LAPTM4B: variants seen among roughly 807,000 people sequenced by gnomAD.
The protein encoded by LAPTM4B is lysosomal protein transmembrane 4 beta, also known as lysosomal-associated transmembrane protein 4B.
In LAPTM4B, 26 loss-of-function variants were observed where a neutral mutation model predicts 28.5. The observed-to-expected ratio is 0.91, with a 90% CI of 0.67 to 1.27. LAPTM4B has a LOEUF of 1.27. Ranked by LOEUF, LAPTM4B falls within the 50% of genes most tolerant of loss-of-function variation. LAPTM4B has a pLI of 0.00. For synonymous variants in LAPTM4B, 109 were observed against 106.4 expected (o/e 1.02, Z -0.15); for missense variants, 288 against 285.8 (o/e 1.01, Z -0.06).
chr8:97,820,867 T>C (rs1231755850), intron 5 of LAPTM4B, among the ~76,000 whole-genome samples: 1 of 151,892 alleles, frequency 6.6e-6, no homozygotes, highest in African/African-American at 2.4e-5. Flanking sequence ...TAGCTGGGAC[T>C]ACAGGCGCCT....
At chr8:97,821,030 G>A (rs978118754) in intron 5 of LAPTM4B, among the ~76,000 whole-genome samples, 1 of 149,222 alleles carries the variant, frequency 6.7e-6, no homozygotes, top group African/African-American at 2.4e-5. Flanking sequence ...CCTGGCTGGG[G>A]ACACCGTCTC....
At chr8:97,790,901 G>A (rs572941763) in intron 1 of LAPTM4B, among the ~76,000 whole-genome samples, 85 of 152,160 alleles carry the variant, frequency 5.6e-4, no homozygotes, top group Non-Finnish European at 1.0e-3. Context: ...CACTGAGCCC[G>A]TCCTAGCTTT....
intron 4 of LAPTM4B, among the ~76,000 whole-genome samples, chr8:97,817,984 T>A (rs575974208): frequency 6.6e-6 from 1 of 152,206 alleles, no homozygotes; most frequent in South Asian, 2.1e-4. Context: ...CGGCTAAATT[T>A]GTATTTTTAG....
At chr8:97,851,210 T>G (rs1340245755) in intron 6 of LAPTM4B, among the ~76,000 whole-genome samples, 187 bp from the exon 7 acceptor site, 1 of 152,026 alleles carries the variant, frequency 6.6e-6, no homozygotes, top group Admixed American at 6.6e-5. Context: ...GGCTTGAGAG[T>G]CGCTCTCCAT....
rs186928474 is a variant in LAPTM4B at position 97,793,876 on chromosome 8, A to G, written c.100-11477A>G. Reference sequence around the variant, plus strand: ...GGCTGGGGAGCAGTGGCACCATCATAGCTCACTGCAGCCTTGAACTCATGG... The same window carrying G: ...GGCTGGGGAGCAGTGGCACCATCATGGCTCACTGCAGCCTTGAACTCATGG... On this transcript the variant is annotated intron_variant, in intron 1 of 6. Coordinates refer to ENST00000521545, the MANE Select transcript of LAPTM4B (RefSeq NM_018407.6). 9.6e-4 allele frequency among the ~76,000 whole-genome samples: 146 copies of G among 152,242 alleles called. 1 individual carries two copies. Among genetic ancestry groups the G allele is most frequent in the Middle Eastern group, 3.4e-3 (1 of 294 alleles).
At position 97,783,842 on chromosome 8, in the gene LAPTM4B, C is replaced by T. The variant is rs555453984; in HGVS notation, c.99+7734C>T. On this transcript the variant is annotated intron_variant, in intron 1 of 6. Coordinates refer to ENST00000521545, the MANE Select transcript of LAPTM4B (RefSeq NM_018407.6). ...TAAAACTTAAACCATCTGGCCCTTC[C>T]TTTGAGTTTTCTTATTTCTGTGACT... is the stretch of plus-strand genomic sequence containing the variant. 2.0e-5 allele frequency among the ~76,000 whole-genome samples: 3 copies of T among 152,250 alleles called. No homozygotes were observed. The South Asian group carries it at 6.2e-4, about 32-fold the overall frequency.
chr8:97,822,493 G>A (rs930849891), intron 5 of LAPTM4B, among the ~76,000 whole-genome samples: 13 of 151,550 alleles, frequency 8.6e-5, no homozygotes, highest in Non-Finnish European at 1.8e-4. Context: ...TTGAGTCAGA[G>A]GACCTAGGGT....
At chr8:97,776,355 G>A (rs1487613968) in intron 1 of LAPTM4B, among the ~76,000 whole-genome samples, 2 of 152,358 alleles carry the variant, frequency 1.3e-5, no homozygotes, top group East Asian at 3.9e-4. Flanking sequence ...CTCGACCCTT[G>A]GCGCCCAGGT....
chr8:97,809,056 AC>A (rs1287124924), intron 2 of LAPTM4B, among the ~76,000 whole-genome samples: 1 of 152,244 alleles, frequency 6.6e-6, no homozygotes, highest in African/African-American at 2.4e-5. Flanking sequence ...ACTGGAATTA[AC>A]ATCCAGGACA....
At chr8:97,800,254 C>CA (rs1554590144) in intron 1 of LAPTM4B, among the ~76,000 whole-genome samples, 19 of 152,044 alleles carry the variant, frequency 1.2e-4, no homozygotes, top group African/African-American at 4.6e-4. Flanking sequence ...ACTGAGAGTG[C>CA]GGGGAAAGCA....
intron 1 of LAPTM4B, among the ~76,000 whole-genome samples, chr8:97,802,139 G>A (rs953581227): frequency 1.3e-5 from 2 of 152,176 alleles, no homozygotes; most frequent in Non-Finnish European, 2.9e-5. Flanking sequence ...CTTGGACCTC[G>A]TGCAAGAAAT....
At chr8:97,833,652 T>C (rs2129829840) in intron 6 of LAPTM4B, among the ~76,000 whole-genome samples, 1 of 152,298 alleles carries the variant, frequency 6.6e-6, no homozygotes. Context: ...CAGCGAATTA[T>C]TTGGATCTAG....
At chr8:97,815,542 C>G in intron 3 of LAPTM4B, 141 bp downstream of exon 3, 2 of 675,044 alleles carry the variant, frequency 3.0e-6, no homozygotes, top group Admixed American at 2.9e-5. Context: ...TTATGTGGTA[C>G]TAGGAAAACC....
At chr8:97,830,977 G>T (rs1817175669) in intron 6 of LAPTM4B, among the ~76,000 whole-genome samples, 1 of 152,144 alleles carries the variant, frequency 6.6e-6, no homozygotes, top group African/African-American at 2.4e-5. Context: ...AGATCAAAGG[G>T]GCTATACCCT....
rs1270849317 is a variant in LAPTM4B, at chr8:97,851,447, G to T, written c.654G>T (p.Glu218Asp). 6.2e-7 allele frequency: 1 copy of T among 1,614,110 alleles called. No homozygotes were observed. The highest frequency in any genetic ancestry group is 1.7e-5 in the Admixed American group (1 of 60,014). ...DDATVNGAAK[E>D]PPPPYVSA ...CCACTGTGAATGGTGCTGCCAAGGA[G>T]CCACCGCCACCTTACGTGTCTGCCT... Residue 218 changes from glutamate to aspartate, a missense_variant, in exon 7 of 7, where the codon GAG becomes GAT. Coordinates refer to ENST00000521545, the MANE Select transcript of LAPTM4B (RefSeq NM_018407.6).
At chr8:97,829,175 G>A (rs1176789572) in intron 6 of LAPTM4B, among the ~76,000 whole-genome samples, 1 of 152,160 alleles carries the variant, frequency 6.6e-6, no homozygotes, top group Non-Finnish European at 1.5e-5. Context: ...TAGGGGAGCT[G>A]CGTGGAGGGA....
chr8:97,851,337 A>G, intron 6 of LAPTM4B, 60 bp from the exon 7 acceptor site: 1 of 1,357,458 alleles, frequency 7.4e-7, no homozygotes. Flanking sequence ...TAAAAGCTAA[A>G]CCTCGGGGAA....
intron 6 of LAPTM4B, among the ~76,000 whole-genome samples, chr8:97,837,993 T>G (rs1178575410): frequency 6.6e-6 from 1 of 152,184 alleles, no homozygotes; most frequent in Non-Finnish European, 1.5e-5. Context: ...AGTGACAGGT[T>G]GATATGGAAT....
At position 97,825,172 on chromosome 8, in the gene LAPTM4B, A is replaced by C; in HGVS notation, c.603+19A>C. The C allele has an allele frequency of 1.6e-6, 2 of 1,288,824 alleles. No individual in the cohort carries two copies. Among genetic ancestry groups the C allele is most frequent in the Non-Finnish European group, 2.3e-6 (2 of 887,234 alleles). The allele number at this position is 1,288,824 out of a possible 1,614,324, so 79.8% of individuals were successfully genotyped here. A position where few individuals can be genotyped will look rare whatever the true frequency, so the allele number is the denominator to read the frequency against. ...CACTACGGTAGGTATGATGTCACTT[A>C]TGGTAGAGATCTCGCCCACACCTTT... On this transcript the variant is annotated intron_variant, in intron 6 of 6. Coordinates refer to ENST00000521545, the MANE Select transcript of LAPTM4B (RefSeq NM_018407.6).
Sources: allele counts gnomAD v4.1 joint callset (sites outside exome capture counted in the v4.1 genomes callset), GRCh38; gene constraint gnomAD v4.1.1; transcripts MANE v1.5; gene names NCBI Gene and HGNC (gene_info 2026-07-23, HGNC 2026-07-21).